UBN2: variants seen among roughly 807,000 people sequenced by gnomAD.
UBN2 encodes ubinuclein 2.
UBN2 carries 35 observed loss-of-function variants against 120.2 expected under a neutral mutation model. That is an observed-to-expected ratio of 0.29 (90% CI 0.22 to 0.39). The LOEUF is 0.39. Among genes scored for constraint, UBN2 ranks in the 10% least tolerant of loss-of-function variants. UBN2 has a pLI of 1.00. For missense variants in UBN2, 1,693 were observed against 1,663.2 expected, an observed-to-expected ratio of 1.02 and a Z score of -0.31; for synonymous variants, 661 against 648.7, an observed-to-expected ratio of 1.02 and a Z score of -0.29.
chr7:139,313,526 C>A, the UBN2 span, among the ~76,000 whole-genome samples: 1 of 152,130 alleles, frequency 6.6e-6, no homozygotes, highest in Non-Finnish European at 1.5e-5. Flanking sequence ...ATATAATGTA[C>A]AAATAATGAC....
chr7:139,231,642 C>T lies in UBN2; in HGVS notation c.158C>T (p.Ala53Val), dbSNP rs1414111815. Residue 53 changes from alanine (A) to valine (V), a missense_variant, in exon 1 of 18, where the codon GCC becomes GTC. By Grantham distance (64) the Ala-to-Val change is moderately conservative. Coordinates refer to ENST00000473989, the MANE Select transcript of UBN2 (RefSeq NM_173569.4). ...YREPARAEPP[A>V]PREPAPRSDA... is the part of the protein sequence containing the mutation. ...GAGCCGGCCCGGGCGGAGCCGCCGG[C>T]CCCGCGGGAGCCTGCCCCCCGCTCG... 1 of 1,224,312 alleles carries T rather than the reference C, an allele frequency of 8.2e-7. No homozygotes were observed. Among genetic ancestry groups the T allele is most frequent in the South Asian group, 3.7e-5 (1 of 27,316 alleles). The allele number at this position is 1,224,312 out of a possible 1,614,324, so 75.8% of individuals were successfully genotyped here.
the UBN2 span, among the ~76,000 whole-genome samples, chr7:139,326,806 A>T: frequency 6.6e-6 from 1 of 152,178 alleles, no homozygotes; most frequent in Non-Finnish European, 1.5e-5. Flanking sequence ...CTGTAGCAGC[A>T]GCTTTGGTGC....
At chr7:139,237,587 G>A (rs550004837) in intron 2 of UBN2, among the ~76,000 whole-genome samples, 8 of 152,130 alleles carry the variant, frequency 5.3e-5, no homozygotes, top group South Asian at 2.1e-4. Context: ...GAGTCTGGGC[G>A]GTTTGCTTTA....
chr7:139,271,089 C>G (rs1388639310), intron 8 of UBN2, among the ~76,000 whole-genome samples: 1 of 152,052 alleles, frequency 6.6e-6, no homozygotes, highest in Non-Finnish European at 1.5e-5. Context: ...GCCAGATGTT[C>G]ACATTTTTAA....
chr7:139,265,939 G>A (rs1281977951), intron 6 of UBN2, among the ~76,000 whole-genome samples: 2 of 152,114 alleles, frequency 1.3e-5, no homozygotes, highest in African/African-American at 4.8e-5. Flanking sequence ...CAAAAAGTTT[G>A]TGGTAGTTTG....
chr7:139,292,723 G>A (rs923301985), intron 15 of UBN2, among the ~76,000 whole-genome samples: 18 of 152,084 alleles, frequency 1.2e-4, no homozygotes, highest in Admixed American at 6.5e-4. Flanking sequence ...AGTTCTACAC[G>A]GTGAGAATTC....
chr7:139,278,601 C>G (rs1434067395), intron 12 of UBN2, among the ~76,000 whole-genome samples: 1 of 151,548 alleles, frequency 6.6e-6, no homozygotes, highest in Non-Finnish European at 1.5e-5. Flanking sequence ...GAGGTCGTTT[C>G]CCTAAATGGC....
Position 139,302,052 on chromosome 7 carries a change from C to T in UBN2, c.*4216C>T, listed in dbSNP as rs1179154237. On this transcript the variant is annotated 3_prime_UTR_variant, in exon 18 of 18. Coordinates refer to ENST00000473989, the MANE Select transcript of UBN2 (RefSeq NM_173569.4). ...AAATGCTTATATTACTCCTCTAAAACATGCTCAATTCAGGCCTTTGTCTTT... is the reference window on the plus strand; with the variant it reads ...AAATGCTTATATTACTCCTCTAAAATATGCTCAATTCAGGCCTTTGTCTTT... The T allele has an allele frequency of 1.3e-5, 2 of 152,260 alleles. No individual in the cohort carries two copies. The highest frequency in any genetic ancestry group is 3.4e-3 in the Middle Eastern group (1 of 294). 9.4% of individuals were successfully genotyped at this position (152,260 alleles called of 1,614,324 possible).
intron 1 of UBN2, among the ~76,000 whole-genome samples, chr7:139,234,615 A>C (rs1212167605): frequency 6.6e-6 from 1 of 152,200 alleles, no homozygotes; most frequent in Non-Finnish European, 1.5e-5. Context: ...TAATTTGGTC[A>C]CCATTTCTGG....
downstream of UBN2, among the ~76,000 whole-genome samples, chr7:139,308,851 C>T (rs1451025001): frequency 6.6e-6 from 1 of 152,118 alleles, no homozygotes; most frequent in Non-Finnish European, 1.5e-5. Flanking sequence ...GCGGGCGGAT[C>T]ACGAGGTCAG....
intron 17 of UBN2, 152 bp downstream of exon 17, chr7:139,294,133 C>G: frequency 1.4e-6 from 1 of 713,532 alleles, no homozygotes; most frequent in Non-Finnish European, 2.4e-6. Flanking sequence ...GCAACAGATT[C>G]CTTTTAAGAG....
intron 2 of UBN2, 31 bp downstream of exon 2, chr7:139,237,128 T>C: frequency 1.3e-6 from 2 of 1,501,494 alleles, no homozygotes; most frequent in Non-Finnish European, 9.2e-7. Context: ...ACTTAGGTAA[T>C]TTTATCCTAT....
intron 2 of UBN2, among the ~76,000 whole-genome samples, chr7:139,239,551 C>CTTTTTTT (rs774812960): frequency 7.4e-5 from 7 of 94,566 alleles, no homozygotes; most frequent in African/African-American, 1.4e-4. Context: ...ATTAGAGTGT[C>CTTTTTTT]TTTTTTTTTT....
In UBN2 at chr7:139,269,386, T is replaced by G. The variant is rs1449513924; in HGVS notation, c.1467-8T>G. ...ATACTGTTCATTGTTGTTAACTTTTTTGGCCAGCATTGAGTTACAGCTACA... is the reference window on the plus strand; with the variant it reads ...ATACTGTTCATTGTTGTTAACTTTTGTGGCCAGCATTGAGTTACAGCTACA... On this transcript the variant is annotated splice_polypyrimidine_tract_variant and splice_region_variant and intron_variant, in intron 7 of 17. Coordinates refer to ENST00000473989, the MANE Select transcript of UBN2 (RefSeq NM_173569.4). The G allele has an allele frequency of 4.3e-6, 7 of 1,612,978 alleles. No individual in the cohort carries two copies. The highest frequency in any genetic ancestry group is 5.9e-6 in the Non-Finnish European group (7 of 1,179,672).
At chr7:139,291,063 G>C in intron 15 of UBN2, among the ~76,000 whole-genome samples, 1 of 152,050 alleles carries the variant, frequency 6.6e-6, no homozygotes, top group East Asian at 1.9e-4. Context: ...CCATTTTCCT[G>C]ATCAAATTTA....
At chr7:139,318,537 T>G in the UBN2 span, among the ~76,000 whole-genome samples, 5 of 152,194 alleles carry the variant, frequency 3.3e-5, no homozygotes, top group Non-Finnish European at 5.9e-5. Flanking sequence ...AGGGTTTCAC[T>G]GTATGCCCAG....
rs183592275 is a variant in UBN2, at chr7:139,245,868, T to G, written c.562-6088T>G. Among the ~76,000 whole-genome samples, 10 of 152,206 alleles carry G rather than the reference T, an allele frequency of 6.6e-5. 1 individual carries two copies. The highest frequency in any genetic ancestry group is 6.5e-4 in the Admixed American group (10 of 15,286). On this transcript the variant is annotated intron_variant, in intron 2 of 17. Transcript: ENST00000473989. ...GTTTGGGGGAGAGTTGGTAGACAGT[T>G]TGAATGGATGAAGTGTTCATGTTGG...
At chr7:139,323,601 ATTT>A in the UBN2 span, among the ~76,000 whole-genome samples, 20 of 127,214 alleles carry the variant, frequency 1.6e-4, no homozygotes, top group Non-Finnish European at 3.0e-4. Context: ...TATTATTATT[ATTT>A]TTGAGACGGA....
intron 11 of UBN2, among the ~76,000 whole-genome samples, chr7:139,274,562 A>G (rs369975823): frequency 2.0e-5 from 3 of 151,904 alleles, no homozygotes; most frequent in African/African-American, 7.3e-5. Context: ...CGGGAGTTCA[A>G]GACCAGCCTG....
Sources: gnomAD v4.1 joint callset for allele counts (sites outside exome capture counted in the v4.1 genomes callset) on GRCh38, gnomAD v4.1.1 for gene constraint, MANE v1.5 for transcripts, NCBI Gene and HGNC (gene_info 2026-07-23, HGNC 2026-07-21) for gene names.